Variants in PTGIS observed in about 807,000 individuals in gnomAD.
PTGIS encodes prostacyclin synthase.
PTGIS carries 45 observed loss-of-function variants against 50.3 expected under a neutral mutation model. The ratio of observed to expected loss-of-function variants is 0.90; its 90% CI spans 0.70 to 1.15. The LOEUF (loss-of-function observed/expected upper bound fraction) is 1.15. Ranked by LOEUF, PTGIS falls within the 50% of genes most tolerant of loss-of-function variation. The pLI is 0.00. For missense variants in PTGIS, 668 were observed against 661.3 expected, an observed-to-expected ratio of 1.01 and a Z score of -0.11; for synonymous variants, 260 against 267.7, an observed-to-expected ratio of 0.97 and a Z score of 0.28.
At chr20:49,519,348 C>T (rs1981584287) in intron 6 of PTGIS, among the ~76,000 whole-genome samples, 1 of 152,022 alleles carries the variant, frequency 6.6e-6, no homozygotes, top group Non-Finnish European at 1.5e-5. Context: ...GATGCTTGGC[C>T]CAGGGTAAGT....
At position 49,511,074 on chromosome 20, in the gene PTGIS, G is replaced by T. The variant is rs999049780; in HGVS notation, c.1312C>A (p.His438Asn). ...TAACTCCTCCCCAGGCAGTGATTGTGCCCCGCCCCCCAGGGCATGTTGTAA... is the reference window on the plus strand; with the variant it reads ...TAACTCCTCCCCAGGCAGTGATTGTTCCCCGCCCCCCAGGGCATGTTGTAA... Reference protein sequence around the residue: ...KNYNMPWGAGHNHCLGRSYAV... With the variant: ...KNYNMPWGAGNNHCLGRSYAV... Residue 438 changes from histidine (H) to asparagine (N), a missense_variant, in exon 9 of 10, where the codon CAC becomes AAC. Physicochemically the swap from His to Asn is moderately conservative, Grantham distance 68. Coordinates refer to ENST00000244043, the MANE Select transcript of PTGIS (RefSeq NM_000961.4). 1 of 1,613,954 alleles carries T rather than the reference G, an allele frequency of 6.2e-7. No individual in the cohort carries two copies. The highest frequency in any genetic ancestry group is 1.7e-5 in the Admixed American group (1 of 60,028).
chr20:49,549,728 G>A (rs1982456607), intron 2 of PTGIS, among the ~76,000 whole-genome samples: 1 of 152,190 alleles, frequency 6.6e-6, no homozygotes, highest in Non-Finnish European at 1.5e-5. Flanking sequence ...TGGACAGGCA[G>A]AAGAATGGGA....
chr20:49,533,107 C>T (rs1407388925), intron 5 of PTGIS, among the ~76,000 whole-genome samples: 1 of 152,154 alleles, frequency 6.6e-6, no homozygotes, highest in Non-Finnish European at 1.5e-5. Context: ...ATCTCTGGAC[C>T]TCAGTCTCCT....
rs1158461314 is a variant in PTGIS, at chr20:49,511,585, A to ATATTTC, written c.1207-412_1207-407dup. On this transcript the variant is annotated intron_variant, in intron 8 of 9. Transcript: ENST00000244043. Reference sequence around the variant, plus strand: ...ATACATATTTTTTACATTTAAGTATATATTTCTCTGTATTTCTTTATATTC... The same window carrying ATATTTC: ...ATACATATTTTTTACATTTAAGTATATATTTCTATTTCTCTGTATTTCTTTATATTC... 5.3e-5 allele frequency among the ~76,000 whole-genome samples: 8 copies of ATATTTC among 152,350 alleles called. No individual in the cohort carries two copies. In the East Asian group the frequency reaches 1.3e-3, roughly 26 times the overall value.
Position 49,503,921 on chromosome 20 carries a change from A to C in PTGIS, c.*3999T>G, listed in dbSNP as rs930983175. The C allele has an allele frequency of 5.9e-5, 9 of 152,274 alleles. No individual in the cohort carries two copies. The highest frequency in any genetic ancestry group is 2.2e-4 in the African/African-American group (9 of 41,478). The allele number at this position is 152,274 out of a possible 1,614,324, so 9.4% of individuals were successfully genotyped here. On this transcript the variant is annotated 3_prime_UTR_variant, in exon 10 of 10. Transcript: ENST00000244043. ...ATAGATTTCAGCATGTTTCCACTTG[A>C]CAATGTTATACGAAAATAGAATCTT...
chr20:49,566,226 A>G (rs978501263), intron 1 of PTGIS, among the ~76,000 whole-genome samples: 3 of 152,218 alleles, frequency 2.0e-5, no homozygotes, highest in African/African-American at 7.2e-5. Context: ...GGGAAGATCC[A>G]TCTCAAACAA....
chr20:49,507,817 G>C lies in PTGIS; in HGVS notation c.*103C>G. The C allele has an allele frequency of 6.7e-7, 1 of 1,492,310 alleles. No individual in the cohort carries two copies. Among genetic ancestry groups the C allele is most frequent in the Non-Finnish European group, 9.1e-7 (1 of 1,093,404 alleles). The allele number at this position is 1,492,310 out of a possible 1,614,324, so 92.4% of individuals were successfully genotyped here. A position where few individuals can be genotyped will look rare whatever the true frequency, so the allele number is the denominator to read the frequency against. On this transcript the variant is annotated 3_prime_UTR_variant, in exon 10 of 10. Coordinates refer to ENST00000244043, the MANE Select transcript of PTGIS (RefSeq NM_000961.4). Reference sequence around the variant, plus strand: ...GAAAAGCAGGGAAGTGGTAATGCTAGCACCTGCACCCGGGCCAACTGTGCA... The same window carrying C: ...GAAAAGCAGGGAAGTGGTAATGCTACCACCTGCACCCGGGCCAACTGTGCA...
chr20:49,550,073 A>T lies in PTGIS; in HGVS notation c.191T>A (p.Ile64Asn). ...LTRMKEKHGD[I>N]FTILVGGRYV... ...GGCACAAGAGGCACTTACAGTAAAG[A>T]TGTCACCGTGCTTCTCCTTCATCCT... Residue 64 changes from isoleucine (I) to asparagine (N), a missense_variant, in exon 2 of 10, where the codon ATC becomes AAC. Transcript: ENST00000244043. 6.2e-7 allele frequency: 1 copy of T among 1,614,150 alleles called. No individual in the cohort carries two copies. Among genetic ancestry groups the T allele is most frequent in the South Asian group, 1.1e-5 (1 of 91,088 alleles).
rs754642479 is a variant in PTGIS at position 49,511,053 on chromosome 20, TC to T, written c.1332del (p.Ser445ValfsTer22). ...TGTTTGATGCTGTTGACCGCATAAC[TC>T]CTCCCCAGGCAGTGATTGTGCCCCG... ...WGAGHNHCLG[R>X]SYAVNSIKQF... On this transcript the variant is annotated frameshift_variant, in exon 9 of 10. Transcript: ENST00000244043. LOFTEE classifies it high-confidence loss of function. 1 of 1,613,814 alleles carries T rather than the reference TC, an allele frequency of 6.2e-7. No homozygotes were observed. Among genetic ancestry groups the T allele is most frequent in the South Asian group, 1.1e-5 (1 of 91,064 alleles).
At chr20:49,567,148 T>C (rs1982919874) in intron 1 of PTGIS, among the ~76,000 whole-genome samples, 2 of 152,204 alleles carry the variant, frequency 1.3e-5, no homozygotes, top group African/African-American at 2.4e-5. Context: ...GTCTTACCTA[T>C]AACAGGATAA....
intron 5 of PTGIS, 51 bp from the exon 6 acceptor site, chr20:49,524,290 C>A (rs762724192): frequency 1.3e-6 from 2 of 1,596,000 alleles, no homozygotes; most frequent in East Asian, 2.2e-5. Flanking sequence ...CCATCCCACA[C>A]CCAGGGCTGG....
chr20:49,518,229 G>A (rs1311402133), intron 6 of PTGIS, among the ~76,000 whole-genome samples: 1 of 152,232 alleles, frequency 6.6e-6, no homozygotes, highest in African/African-American at 2.4e-5. Context: ...TGATGTGTTA[G>A]TGTAGGTCAT....
chr20:49,535,432 G>A (rs1052109564), intron 5 of PTGIS, among the ~76,000 whole-genome samples: 2 of 152,196 alleles, frequency 1.3e-5, no homozygotes, highest in Non-Finnish European at 2.9e-5. Context: ...AAGAAAGAAA[G>A]ATAGAATATT....
Position 49,568,099 on chromosome 20 carries a change from G to A in PTGIS, c.18C>T (p.Leu6=). The A allele has an allele frequency of 7.0e-7, 1 of 1,426,058 alleles. No homozygotes were observed. Among genetic ancestry groups the A allele is most frequent in the Non-Finnish European group, 9.1e-7 (1 of 1,093,406 alleles). 88.3% of individuals were successfully genotyped at this position (1,426,058 alleles called of 1,614,324 possible). MAWAA[L]LGLLAALLLL... is the part of the protein sequence containing the mutation. ...GCAACAGTGCGGCCAGGAGGCCGAG[G>A]AGCGCGGCCCAAGCCATCGCGGGGC... The change falls in exon 1 of 10, where the codon CTC becomes CTT. Residue 6 remains leucine, a synonymous_variant. Coordinates refer to ENST00000244043, the MANE Select transcript of PTGIS (RefSeq NM_000961.4).
chr20:49,543,453 C>T lies in PTGIS; in HGVS notation c.521+852G>A, dbSNP rs576927692. ...AAACCCCTGATGTCACCCGATCTTA[C>T]TCAGCATAATTTCCAAAGCCTTCCC... On this transcript the variant is annotated intron_variant, in intron 4 of 9. Transcript: ENST00000244043. Among the ~76,000 whole-genome samples, 17 of 152,324 alleles carry T rather than the reference C, an allele frequency of 1.1e-4. No individual in the cohort carries two copies. In the South Asian group the frequency reaches 3.3e-3, roughly 30 times the overall value.
Position 49,568,109 on chromosome 20 carries a change from C to A in PTGIS, c.8G>T (p.Trp3Leu). The A allele has an allele frequency of 1.1e-6, 1 of 904,912 alleles. No homozygotes were observed. Among genetic ancestry groups the A allele is most frequent in the South Asian group, 1.7e-5 (1 of 57,244 alleles). 56.1% of individuals were successfully genotyped at this position (904,912 alleles called of 1,614,324 possible). The change falls in exon 1 of 10, where the codon TGG (tryptophan) becomes TTG (leucine). Residue 3 changes from tryptophan to leucine, a missense_variant. Coordinates refer to ENST00000244043, the MANE Select transcript of PTGIS (RefSeq NM_000961.4). Reference protein sequence around the residue: MAWAALLGLLAAL... With the variant: MALAALLGLLAAL... Reference sequence around the variant, plus strand: ...GGCCAGGAGGCCGAGGAGCGCGGCCCAAGCCATCGCGGGGCTGGCGGGGCT... The same window carrying A: ...GGCCAGGAGGCCGAGGAGCGCGGCCAAAGCCATCGCGGGGCTGGCGGGGCT...
chr20:49,518,307 G>A (rs1357311056), intron 6 of PTGIS, among the ~76,000 whole-genome samples: 1 of 152,198 alleles, frequency 6.6e-6, no homozygotes, highest in Non-Finnish European at 1.5e-5. Flanking sequence ...TTGGGAGAAG[G>A]GGGCTAAGGG....
intron 3 of PTGIS, among the ~76,000 whole-genome samples, chr20:49,545,040 G>T (rs1311507974): frequency 6.6e-6 from 1 of 152,202 alleles, no homozygotes; most frequent in African/African-American, 2.4e-5. Context: ...GGGAGGCCAA[G>T]GTGGGAGAAT....
At chr20:49,523,232 A>C (rs527598397) in intron 6 of PTGIS, among the ~76,000 whole-genome samples, 8 of 152,296 alleles carry the variant, frequency 5.3e-5, no homozygotes, top group Non-Finnish European at 7.3e-5. Context: ...GTGGTCATGC[A>C]GGAGATGTTC....
Sources: allele counts gnomAD v4.1 joint callset (sites outside exome capture counted in the v4.1 genomes callset), GRCh38; gene constraint gnomAD v4.1.1; transcripts MANE v1.5; gene names NCBI Gene and HGNC (gene_info 2026-07-23, HGNC 2026-07-21).